The following RAB3C variants were observed in gnomAD, a reference collection of about 807,000 sequenced individuals.
The protein encoded by RAB3C is ras-related protein Rab-3C.
In RAB3C, 17 loss-of-function variants were observed where a neutral mutation model predicts 26.4. The observed-to-expected ratio is 0.64, with a 90% CI of 0.44 to 0.97. The LOEUF (loss-of-function observed/expected upper bound fraction) is 0.97, where lower values mean the gene tolerates loss of function less well. Among genes scored for constraint, RAB3C ranks in the 50% least tolerant of loss-of-function variants. The pLI, the probability that RAB3C is intolerant of heterozygous loss-of-function variation, is 0.00. For missense variants in RAB3C, 242 were observed against 281.9 expected, an observed-to-expected ratio of 0.86 and a Z score of 1.01; for synonymous variants, 91 against 95.9, an observed-to-expected ratio of 0.95 and a Z score of 0.30.
chr5:58,670,084 G>A (rs896268227), intron 2 of RAB3C, among the ~76,000 whole-genome samples: 1 of 152,108 alleles, frequency 6.6e-6, no homozygotes, highest in African/African-American at 2.4e-5. Flanking sequence ...AGAATTGCCT[G>A]TATTTGAGGG....
At chr5:58,778,420 G>T (rs2111997907) in intron 3 of RAB3C, among the ~76,000 whole-genome samples, 1 of 152,222 alleles carries the variant, frequency 6.6e-6, no homozygotes, top group East Asian at 1.9e-4. Flanking sequence ...GGAGCTGGTT[G>T]TTTCTTCCAC....
chr5:58,812,340 G>A (rs1023043414), intron 3 of RAB3C, among the ~76,000 whole-genome samples: 3 of 152,070 alleles, frequency 2.0e-5, no homozygotes, highest in Admixed American at 6.6e-5. Context: ...GCCATTCCTG[G>A]TGCTTGTTGG....
chr5:58,604,038 G>A (rs1459353868), intron 1 of RAB3C, among the ~76,000 whole-genome samples: 1 of 152,226 alleles, frequency 6.6e-6, no homozygotes, highest in African/African-American at 2.4e-5. Context: ...TCCTGTGGAT[G>A]TGGCTTCCTG....
intron 3 of RAB3C, among the ~76,000 whole-genome samples, chr5:58,792,785 ATGTGTATATAT>A (rs1742558762): frequency 1.3e-5 from 2 of 152,002 alleles, no homozygotes; most frequent in Non-Finnish European, 2.9e-5. Context: ...GTGTGTGTGT[ATGTGTATATAT>A]AAAACCTTGT....
At chr5:58,843,428 T>C (rs920137560) in intron 4 of RAB3C, among the ~76,000 whole-genome samples, 1 of 152,218 alleles carries the variant, frequency 6.6e-6, no homozygotes, top group East Asian at 1.9e-4. Context: ...TCCTTTATCA[T>C]TGAAAGCCTA....
At chr5:58,835,672 A>T (rs1458091309) in intron 4 of RAB3C, among the ~76,000 whole-genome samples, 13 of 152,206 alleles carry the variant, frequency 8.5e-5, no homozygotes, top group Admixed American at 8.5e-4. Context: ...TTTAAAAATT[A>T]ATCCAGGTCC....
At chr5:58,668,731 T>G (rs1222292706) in intron 2 of RAB3C, among the ~76,000 whole-genome samples, 2 of 152,024 alleles carry the variant, frequency 1.3e-5, no homozygotes, top group Non-Finnish European at 2.9e-5. Flanking sequence ...TTCTAATCAT[T>G]TTTTTTTCTA....
intron 2 of RAB3C, among the ~76,000 whole-genome samples, chr5:58,701,881 G>A (rs1336590996): frequency 6.6e-6 from 1 of 151,946 alleles, no homozygotes; most frequent in Non-Finnish European, 1.5e-5. Context: ...TCCCCTCATT[G>A]TGAGATCATT....
At chr5:58,627,548 A>AT (rs1028749510) in intron 2 of RAB3C, among the ~76,000 whole-genome samples, 1 of 150,332 alleles carries the variant, frequency 6.7e-6, no homozygotes, top group African/African-American at 2.4e-5. Context: ...CAAATTAAGC[A>AT]TTTAATTACC....
intron 2 of RAB3C, among the ~76,000 whole-genome samples, chr5:58,695,432 T>C (rs1748677388): frequency 6.6e-6 from 1 of 152,218 alleles, no homozygotes. Flanking sequence ...ATATGAACTT[T>C]AAAGTAGGTT....
intron 2 of RAB3C, among the ~76,000 whole-genome samples, chr5:58,635,634 A>G (rs568674322): frequency 6.6e-6 from 1 of 152,142 alleles, no homozygotes; most frequent in Admixed American, 6.6e-5. Flanking sequence ...GGGTTTGTAC[A>G]TCGTCAGATT....
intron 3 of RAB3C, among the ~76,000 whole-genome samples, chr5:58,726,551 G>A (rs1299691825): frequency 6.6e-6 from 1 of 151,852 alleles, no homozygotes; most frequent in Non-Finnish European, 1.5e-5. Context: ...GTCTTTGACT[G>A]CCTTAACACC....
rs140213456 is a variant in RAB3C at position 58,828,674 on chromosome 5, T to C, written c.496+3512T>C. Among the ~76,000 whole-genome samples the C allele has an allele frequency of 3.1e-3, 470 of 152,328 alleles. 5 individuals carry two copies. Among genetic ancestry groups the C allele is most frequent in the African/African-American group, 0.011 (445 of 41,578 alleles). ...TCTAATCATCTGCAGCTGAATTGGC[T>C]GGGGTTCATTTTCAAACGCACATTC... On this transcript the variant is annotated intron_variant, in intron 4 of 4. Transcript: ENST00000282878.
rs543174003 is a variant in RAB3C, at chr5:58,673,886, A to G, written c.253-52116A>G. ...CTGTGACTCCTGCGGTAAAATGTAG[A>G]TACTTTGTCCAGCACCAGCACATGC... On this transcript the variant is annotated intron_variant, in intron 2 of 4. Transcript: ENST00000282878. 7.2e-5 allele frequency among the ~76,000 whole-genome samples: 11 copies of G among 152,322 alleles called. 1 individual carries two copies. The South Asian group carries it at 2.3e-3, about 32-fold the overall frequency.
chr5:58,850,210 C>T (rs937817983), intron 4 of RAB3C, among the ~76,000 whole-genome samples: 2 of 152,198 alleles, frequency 1.3e-5, no homozygotes, highest in African/African-American at 4.8e-5. Flanking sequence ...TGCTTCTGCC[C>T]AGGTACAGTG....
intron 2 of RAB3C, among the ~76,000 whole-genome samples, chr5:58,622,463 A>T (rs1426869969): frequency 1.3e-5 from 2 of 152,178 alleles, no homozygotes; most frequent in Non-Finnish European, 2.9e-5. Flanking sequence ...GTTAATATGG[A>T]GGGAAAGTTC....
intron 4 of RAB3C, among the ~76,000 whole-genome samples, chr5:58,845,425 G>A (rs1391452840): frequency 2.6e-5 from 4 of 151,662 alleles, no homozygotes; most frequent in African/African-American, 9.7e-5. Context: ...AGAGCAAAAA[G>A]GATTAGATTT....
chr5:58,756,482 T>G (rs1449358284), intron 3 of RAB3C, among the ~76,000 whole-genome samples: 5 of 149,942 alleles, frequency 3.3e-5, no homozygotes, highest in Non-Finnish European at 5.9e-5. Flanking sequence ...ACGTGTGCCA[T>G]GATGGTTTGC....
At chr5:58,798,279 C>T (rs187054062) in intron 3 of RAB3C, among the ~76,000 whole-genome samples, 1 of 152,174 alleles carries the variant, frequency 6.6e-6, no homozygotes, top group African/African-American at 2.4e-5. Context: ...AAGCGTCATG[C>T]CACAGGTTAG....
Sources: allele counts gnomAD v4.1 joint callset (sites outside exome capture counted in the v4.1 genomes callset), GRCh38; gene constraint gnomAD v4.1.1; transcripts MANE v1.5; gene names NCBI Gene and HGNC (gene_info 2026-07-23, HGNC 2026-07-21).